Variants in SLC7A1 observed in about 807,000 individuals in gnomAD.
The protein encoded by SLC7A1 is solute carrier family 7 member 1.
Under a neutral mutation model 53.9 loss-of-function variants are expected in SLC7A1, and 10 were observed. The observed-to-expected ratio is 0.19, with a 90% CI of 0.11 to 0.31. The LOEUF is 0.31. SLC7A1 is among the 10% of genes least tolerant of loss of function. The pLI, the probability that SLC7A1 is intolerant of heterozygous loss-of-function variation, is 1.00. For synonymous variants in SLC7A1, 342 were observed against 338.7 expected (o/e 1.01, Z -0.11); for missense variants, 525 against 827.2 (o/e 0.63, Z 4.48).
chr13:29,559,906 G>A (rs913290210), intron 1 of SLC7A1, among the ~76,000 whole-genome samples: 27 of 151,948 alleles, frequency 1.8e-4, no homozygotes, highest in African/African-American at 6.3e-4. Context: ...TAGTAGAGAC[G>A]GGGTTTCACC....
chr13:29,542,972 G>A (rs1869733998), intron 2 of SLC7A1, among the ~76,000 whole-genome samples: 1 of 152,214 alleles, frequency 6.6e-6, no homozygotes, highest in Non-Finnish European at 1.5e-5. Context: ...GCTGACTCCA[G>A]GCAGCTAGTG....
chr13:29,514,292 G>T lies in SLC7A1; in HGVS notation c.*188C>A. On this transcript the variant is annotated 3_prime_UTR_variant, in exon 13 of 13. Transcript: ENST00000380752. ...CAGGCAGCTGTCTGGAGGTGACCAG[G>T]GCCCGGAGAACCGGCTGCAGAGCCG... is the stretch of plus-strand genomic sequence containing the variant. 1.7e-6 allele frequency: 1 copy of T among 591,192 alleles called. No individual in the cohort carries two copies. The highest frequency in any genetic ancestry group is 3.0e-6 in the Non-Finnish European group (1 of 328,892). 36.6% of individuals were successfully genotyped at this position (591,192 alleles called of 1,614,324 possible).
chr13:29,520,324 C>T (rs942131385), intron 8 of SLC7A1, among the ~76,000 whole-genome samples: 1 of 152,088 alleles, frequency 6.6e-6, no homozygotes, highest in African/African-American at 2.4e-5. Context: ...CATTAGTGGA[C>T]AACAGTGCTG....
rs560031766 is a variant in SLC7A1 at position 29,526,168 on chromosome 13, TGACATCAAGAGC to T, written c.705-1927_705-1916del. On this transcript the variant is annotated intron_variant, in intron 5 of 12. Transcript: ENST00000380752. ...CCCCCAGATCCCCACTCAGCTCCTA[TGACATCAAGAGC>T]TACCAACATGGCCTTGCGTTAAAAT... is the stretch of plus-strand genomic sequence containing the variant. Among the ~76,000 whole-genome samples, 701 of 152,206 alleles carry T rather than the reference TGACATCAAGAGC, an allele frequency of 4.6e-3. 2 individuals are homozygous for T. Among genetic ancestry groups the T allele is most frequent in the Non-Finnish European group, 7.5e-3 (508 of 68,006 alleles).
chr13:29,561,766 T>C (rs1870767366), intron 1 of SLC7A1, among the ~76,000 whole-genome samples: 1 of 152,190 alleles, frequency 6.6e-6, no homozygotes, highest in Non-Finnish European at 1.5e-5. Flanking sequence ...TCTGAGGCTC[T>C]CGAGGTCTGA....
intron 1 of SLC7A1, among the ~76,000 whole-genome samples, chr13:29,566,129 C>G (rs889680980): frequency 1.3e-5 from 2 of 152,210 alleles, no homozygotes; most frequent in African/African-American, 4.8e-5. Flanking sequence ...TTGAACTGCA[C>G]ACTTAAAAAT....
chr13:29,525,904 A>C (rs2490265), intron 5 of SLC7A1, among the ~76,000 whole-genome samples: 123,294 of 152,170 alleles, frequency 0.81, 51,733 homozygotes, highest in East Asian at 0.95. Context: ...GCTGTGCCCA[A>C]CTCATCCAAA....
intron 1 of SLC7A1, among the ~76,000 whole-genome samples, chr13:29,577,231 G>A (rs566905290): frequency 1.3e-5 from 2 of 152,304 alleles, no homozygotes; most frequent in East Asian, 3.9e-4. Context: ...TGTTGGTGAA[G>A]ACGTCTGGGG....
chr13:29,580,487 G>A (rs1005583772), intron 1 of SLC7A1, among the ~76,000 whole-genome samples: 1 of 152,112 alleles, frequency 6.6e-6, no homozygotes, highest in Non-Finnish European at 1.5e-5. Flanking sequence ...AAACACATGC[G>A]GAGAACACAC....
rs540652641 is a variant in SLC7A1 at position 29,578,779 on chromosome 13, G to A, written c.-115+16637C>T. Among the ~76,000 whole-genome samples the A allele has an allele frequency of 1.5e-4, 23 of 152,292 alleles. No homozygotes were observed. The South Asian group carries it at 4.4e-3, about 29-fold the overall frequency. On this transcript the variant is annotated intron_variant, in intron 1 of 12. Transcript: ENST00000380752. ...TGGAAAAGTGATCCCTCAATACCCC[G>A]GCTCCCTGTCACAGCCTGTCAAAAG... is the stretch of plus-strand genomic sequence containing the variant.
chr13:29,593,058 G>C (rs1191795306), intron 1 of SLC7A1, among the ~76,000 whole-genome samples: 2 of 152,154 alleles, frequency 1.3e-5, no homozygotes, highest in Non-Finnish European at 2.9e-5. Flanking sequence ...AGCCTGGACG[G>C]GTGGCTGCAA....
intron 1 of SLC7A1, among the ~76,000 whole-genome samples, chr13:29,585,516 G>T (rs1871842807): frequency 6.6e-6 from 1 of 151,918 alleles, no homozygotes; most frequent in Admixed American, 6.6e-5. Context: ...GTGTGTACTT[G>T]ATTACAATGT....
chr13:29,521,857 T>C (rs956004551), intron 8 of SLC7A1, among the ~76,000 whole-genome samples: 1 of 152,072 alleles, frequency 6.6e-6, no homozygotes, highest in African/African-American at 2.4e-5. Flanking sequence ...CCCTTGATAC[T>C]CTCTGGGGAA....
intron 1 of SLC7A1, among the ~76,000 whole-genome samples, chr13:29,589,574 C>A (rs1274687120): frequency 1.3e-5 from 2 of 152,190 alleles, no homozygotes; most frequent in East Asian, 3.9e-4. Context: ...GGGGGAAGAC[C>A]CACTTTCAGA....
intron 6 of SLC7A1, 67 bp from the exon 7 acceptor site, chr13:29,523,555 C>T: frequency 1.6e-6 from 2 of 1,217,374 alleles, no homozygotes; most frequent in Non-Finnish European, 1.2e-6. Context: ...CCACATGACA[C>T]CCAAGGCCTC....
intron 1 of SLC7A1, among the ~76,000 whole-genome samples, chr13:29,584,566 G>A (rs1871795431): frequency 6.6e-6 from 1 of 152,104 alleles, no homozygotes; most frequent in South Asian, 2.1e-4. Context: ...CCAAGAACAA[G>A]GACAGACATT....
chr13:29,572,914 T>G (rs993245289), intron 1 of SLC7A1, among the ~76,000 whole-genome samples: 2 of 152,032 alleles, frequency 1.3e-5, no homozygotes, highest in Non-Finnish European at 2.9e-5. Flanking sequence ...GGAGGAAAAC[T>G]CCACTTGGAA....
At chr13:29,548,463 T>G (rs1329191303) in intron 2 of SLC7A1, among the ~76,000 whole-genome samples, 1 of 152,246 alleles carries the variant, frequency 6.6e-6, no homozygotes. Flanking sequence ...GATCTGTGAC[T>G]TGGGGCAGGG....
chr13:29,517,682 G>C lies in SLC7A1; in HGVS notation c.1401C>G (p.Gly467=), dbSNP rs2482090. The C allele has an allele frequency of 0.98, 1,574,552 of 1,614,218 alleles. 768,383 individuals are homozygous for C. Among genetic ancestry groups the C allele is most frequent in the Middle Eastern group, 0.98 (5,961 of 6,062 alleles). ...ELASTNDSQL[G]FLPEAEMFSL... ...AGAACATCTCTGCCTCTGGTAAAAA[G>C]CCCAGCTGGGAATCATTGGTGCTTG... The change falls in exon 10 of 13, where the codon GGC becomes GGG. Residue 467 remains glycine, a synonymous_variant. Coordinates refer to ENST00000380752, the MANE Select transcript of SLC7A1 (RefSeq NM_003045.5).
Sources: allele counts gnomAD v4.1 joint callset (sites outside exome capture counted in the v4.1 genomes callset), GRCh38; gene constraint gnomAD v4.1.1; transcripts MANE v1.5; gene names NCBI Gene and HGNC (gene_info 2026-07-23, HGNC 2026-07-21).